The following SNAI1 variants were observed in gnomAD, a reference collection of about 807,000 sequenced individuals.
The protein encoded by SNAI1 is zinc finger protein SNAI1.
In SNAI1, 15 loss-of-function variants were observed where a neutral mutation model predicts 24.7. That is an observed-to-expected ratio of 0.61 (90% CI 0.41 to 0.93). The LOEUF (loss-of-function observed/expected upper bound fraction) is 0.93. Among genes scored for constraint, SNAI1 ranks in the 40% least tolerant of loss-of-function variants. SNAI1 has a pLI of 0.00. For missense variants in SNAI1, 283 were observed against 336.7 expected (o/e 0.84, Z 1.25); for synonymous variants, 163 against 142.9 (o/e 1.14, Z -1.00).
Position 49,982,993 on chromosome 20 carries a change from A to G in SNAI1, c.-67A>G. 3 of 962,526 alleles carry G rather than the reference A, an allele frequency of 3.1e-6. No homozygotes were observed. The highest frequency in any genetic ancestry group is 4.6e-6 in the Non-Finnish European group (3 of 652,352). The allele number at this position is 962,526 out of a possible 1,614,324, so 59.6% of individuals were successfully genotyped here. ...GCTGCTGCATTCATTGCGCCGCGGC[A>G]CGGCCTAGCGAGTGGTTCTTCTGCG... On this transcript the variant is annotated 5_prime_UTR_variant, in exon 1 of 3. Coordinates refer to ENST00000244050, the MANE Select transcript of SNAI1 (RefSeq NM_005985.4).
At chr20:49,985,512 G>A (rs1245762516) in intron 2 of SNAI1, among the ~76,000 whole-genome samples, 2 of 152,178 alleles carry the variant, frequency 1.3e-5, no homozygotes, top group East Asian at 3.9e-4. Flanking sequence ...AGCTCACAGG[G>A]CTCTATTTTG....
In SNAI1 at chr20:49,988,881, TAAA is replaced by T. The variant is rs1031226847; in HGVS notation, c.*828_*830del. ...TCAATAAAGCAGTTAATTTATATAT[TAAA>T]AAGTCTTTGGTGTCATAGAGGAGTG... On this transcript the variant is annotated 3_prime_UTR_variant, in exon 3 of 3. Coordinates refer to ENST00000244050, the MANE Select transcript of SNAI1 (RefSeq NM_005985.4). 21 of 152,660 alleles carry T rather than the reference TAAA, an allele frequency of 1.4e-4. No homozygotes were observed. Among genetic ancestry groups the T allele is most frequent in the African/African-American group, 5.1e-4 (21 of 41,466 alleles). 9.5% of individuals were successfully genotyped at this position (152,660 alleles called of 1,614,324 possible).
At chr20:49,985,539 C>A (rs1021957413) in intron 2 of SNAI1, among the ~76,000 whole-genome samples, 2 of 152,226 alleles carry the variant, frequency 1.3e-5, no homozygotes, top group Non-Finnish European at 2.9e-5. Context: ...TTGAACCCCT[C>A]AGGGTGCTGC....
At chr20:49,985,553 C>A (rs1439716009) in intron 2 of SNAI1, among the ~76,000 whole-genome samples, 1 of 152,226 alleles carries the variant, frequency 6.6e-6, no homozygotes, top group African/African-American at 2.4e-5. Flanking sequence ...GTGCTGCAGT[C>A]CTGCCTGCCT....
At position 49,983,113 on chromosome 20, in the gene SNAI1, C is replaced by G; in HGVS notation, c.54C>G (p.Asn18Lys). 1.2e-6 allele frequency: 2 copies of G among 1,613,824 alleles called. No homozygotes were observed. Among genetic ancestry groups the G allele is most frequent in the Non-Finnish European group, 1.7e-6 (2 of 1,179,914 alleles). Residue 18 changes from asparagine to lysine, a missense_variant, in exon 1 of 3, where the codon AAC (asparagine) becomes AAG (lysine). Coordinates refer to ENST00000244050, the MANE Select transcript of SNAI1 (RefSeq NM_005985.4). ...RKPSDPNRKPNYSELQDSNPE... is the reference protein window; with the variant it reads ...RKPSDPNRKPKYSELQDSNPE... ...CCTCCGACCCCAATCGGAAGCCTAA[C>G]TACAGCGAGCTGCAGGACTCTAATC... is the stretch of plus-strand genomic sequence containing the variant.
At position 49,984,151 on chromosome 20, in the gene SNAI1, A is replaced by G. The variant is rs535949166; in HGVS notation, c.410A>G (p.Lys137Arg). The change falls in exon 2 of 3, where the codon AAG becomes AGG. Residue 137 changes from lysine to arginine, a missense_variant. Physicochemically the swap from Lys to Arg is conservative, Grantham distance 26. Coordinates refer to ENST00000244050, the MANE Select transcript of SNAI1 (RefSeq NM_005985.4). ...AAFPGLGQVPKQLAQLSEAKD... is the reference protein window; with the variant it reads ...AAFPGLGQVPRQLAQLSEAKD... ...TTCCCAGGCTTGGGCCAAGTGCCCA[A>G]GCAGCTGGCCCAGCTCTCTGAGGCC... is the stretch of plus-strand genomic sequence containing the variant. The G allele has an allele frequency of 2.0e-5, 32 of 1,614,218 alleles. No individual in the cohort carries two copies. Among genetic ancestry groups the G allele is most frequent in the Non-Finnish European group, 2.6e-5 (31 of 1,180,040 alleles).
Position 49,984,310 on chromosome 20 carries a change from C to T in SNAI1, c.569C>T (p.Ser190Phe). ...TGCGGAACCTGCGGGAAGGCCTTCTCTAGGCCCTGGCTGCTACAAGGCCAT... is the reference window on the plus strand; with the variant it reads ...TGCGGAACCTGCGGGAAGGCCTTCTTTAGGCCCTGGCTGCTACAAGGCCAT... The part of the protein sequence containing the change: ...CVCGTCGKAF[S>F]RPWLLQGHVR... Residue 190 changes from serine (S) to phenylalanine (F), a missense_variant, in exon 2 of 3, where the codon TCT (serine) becomes TTT (phenylalanine). Ser to Phe is a radical substitution (Grantham distance 155, BLOSUM62 -2). Transcript: ENST00000244050. 1 of 1,611,660 alleles carries T rather than the reference C, an allele frequency of 6.2e-7. No individual in the cohort carries two copies. Among genetic ancestry groups the T allele is most frequent in the Non-Finnish European group, 8.5e-7 (1 of 1,179,080 alleles).
At chr20:49,983,222 C>T in intron 1 of SNAI1, 81 bp downstream of exon 1, 2 of 1,057,298 alleles carry the variant, frequency 1.9e-6, no homozygotes, top group Admixed American at 3.8e-5. Flanking sequence ...AGGGAGGCGG[C>T]CTGCCTGAGC....
At chr20:49,983,266 TGCGGGCTCGGGA>T (rs1484962316) in intron 1 of SNAI1, 125 bp downstream of exon 1, 4 of 775,768 alleles carry the variant, frequency 5.2e-6, no homozygotes, top group Non-Finnish European at 8.8e-6. Flanking sequence ...TGTGGACCAT[TGCGGGCTCGGGA>T]GACCGGGCAA....
chr20:49,984,563 C>T (rs946758047), intron 2 of SNAI1, among the ~76,000 whole-genome samples: 14 of 152,228 alleles, frequency 9.2e-5, no homozygotes, highest in African/African-American at 3.4e-4. Flanking sequence ...TTCCCAATCC[C>T]CTGCAGCCTG....
chr20:49,987,972 G>A lies in SNAI1; in HGVS notation c.711G>A (p.Gln237=), dbSNP rs752241335. ...CCCACTCAGATGTCAAGAAGTACCAGTGCCAGGCGTGTGCTCGGACCTTCT... is the reference window on the plus strand; with the variant it reads ...CCCACTCAGATGTCAAGAAGTACCAATGCCAGGCGTGTGCTCGGACCTTCT... The part of the protein sequence containing the change: ...LQTHSDVKKY[Q]CQACARTFSR... Residue 237 remains glutamine, a synonymous_variant, in exon 3 of 3, where the codon CAG becomes CAA. Coordinates refer to ENST00000244050, the MANE Select transcript of SNAI1 (RefSeq NM_005985.4). 2.5e-6 allele frequency: 4 copies of A among 1,613,940 alleles called. No homozygotes were observed. The South Asian group carries it at 4.4e-5, about 18-fold the overall frequency.
chr20:49,983,100 A>T lies in SNAI1; in HGVS notation c.41A>T (p.Asn14Ile). The T allele has an allele frequency of 6.2e-7, 1 of 1,613,582 alleles. No individual in the cohort carries two copies. Among genetic ancestry groups the T allele is most frequent in the African/African-American group, 1.3e-5 (1 of 74,966 alleles). ...CTCGTCAGGAAGCCCTCCGACCCCA[A>T]TCGGAAGCCTAACTACAGCGAGCTG... Reference protein sequence around the residue: ...SFLVRKPSDPNRKPNYSELQD... With the variant: ...SFLVRKPSDPIRKPNYSELQD... Residue 14 changes from asparagine to isoleucine, a missense_variant, in exon 1 of 3, where the codon AAT becomes ATT. Coordinates refer to ENST00000244050, the MANE Select transcript of SNAI1 (RefSeq NM_005985.4).
chr20:49,985,189 G>A (rs2078330192), intron 2 of SNAI1, among the ~76,000 whole-genome samples: 1 of 152,118 alleles, frequency 6.6e-6, no homozygotes, highest in African/African-American at 2.4e-5. Flanking sequence ...AAAACTTTCT[G>A]GACATGGAGA....
In SNAI1 at chr20:49,988,007, C is replaced by T; in HGVS notation, c.746C>T (p.Ser249Phe). ...QACARTFSRM[S>F]LLHKHQESGC... The stretch of plus-strand genomic sequence containing the variant: ...TGTGCTCGGACCTTCTCCCGAATGT[C>T]CCTGCTCCACAAGCACCAAGAGTCC... The change falls in exon 3 of 3, where the codon TCC becomes TTC. Residue 249 changes from serine (S) to phenylalanine (F), a missense_variant. Transcript: ENST00000244050. The T allele has an allele frequency of 1.2e-6, 2 of 1,613,204 alleles. No individual in the cohort carries two copies. Among genetic ancestry groups the T allele is most frequent in the Non-Finnish European group, 1.7e-6 (2 of 1,179,422 alleles).
At chr20:49,987,103 G>A (rs561736700) in intron 2 of SNAI1, among the ~76,000 whole-genome samples, 12 of 152,338 alleles carry the variant, frequency 7.9e-5, no homozygotes, top group Middle Eastern at 3.4e-3. Context: ...AGGGGCCCAG[G>A]CCCTGGGCTG....
At chr20:49,984,812 G>A (rs1439577471) in intron 2 of SNAI1, among the ~76,000 whole-genome samples, 3 of 152,230 alleles carry the variant, frequency 2.0e-5, no homozygotes, top group Non-Finnish European at 4.4e-5. Flanking sequence ...TTTCAGATGG[G>A]CATGAGAACA....
chr20:49,986,682 C>T (rs1173019658), intron 2 of SNAI1, among the ~76,000 whole-genome samples: 2 of 152,050 alleles, frequency 1.3e-5, no homozygotes, highest in Non-Finnish European at 2.9e-5. Flanking sequence ...CTAGGCTTGT[C>T]TCAAACTCCT....
At chr20:49,986,208 C>T (rs2078333430) in intron 2 of SNAI1, among the ~76,000 whole-genome samples, 1 of 152,148 alleles carries the variant, frequency 6.6e-6, no homozygotes, top group Non-Finnish European at 1.5e-5. Flanking sequence ...ATCAACAAAC[C>T]CTTCAGGCGT....
chr20:49,984,215 C>T lies in SNAI1; in HGVS notation c.474C>T (p.Tyr158=), dbSNP rs375849445. The change falls in exon 2 of 3, where the codon TAC becomes TAT. Residue 158 remains tyrosine (Y), a synonymous_variant. Coordinates refer to ENST00000244050, the MANE Select transcript of SNAI1 (RefSeq NM_005985.4). The part of the protein sequence containing the change: ...LQARKAFNCK[Y]CNKEYLSLGA... The stretch of plus-strand genomic sequence containing the variant: ...CTCGAAAGGCCTTCAACTGCAAATA[C>T]TGCAACAAGGAATACCTCAGCCTGG... 2.5e-5 allele frequency: 40 copies of T among 1,614,244 alleles called. 1 individual carries two copies. The African/African-American group carries it at 4.1e-4, about 17-fold the overall frequency.
Sources: gnomAD v4.1 joint callset for allele counts (sites outside exome capture counted in the v4.1 genomes callset) on GRCh38, gnomAD v4.1.1 for gene constraint, MANE v1.5 for transcripts, NCBI Gene and HGNC (gene_info 2026-07-23, HGNC 2026-07-21) for gene names.